L3MBTL4: variants seen among roughly 807,000 people sequenced by gnomAD.
L3MBTL4 encodes L3MBTL histone methyl-lysine binding protein 4.
Under a neutral mutation model 84.5 loss-of-function variants are expected in L3MBTL4, and 70 were observed. The ratio of observed to expected loss-of-function variants is 0.83; its 90% CI spans 0.68 to 1.01. L3MBTL4 has a LOEUF of 1.01. Among genes scored for constraint, L3MBTL4 ranks in the 50% least tolerant of loss-of-function variants. The pLI, the probability that L3MBTL4 is intolerant of heterozygous loss-of-function variation, is 0.00. For synonymous variants in L3MBTL4, 274 were observed against 259.8 expected, an observed-to-expected ratio of 1.05 and a Z score of -0.52; for missense variants, 715 against 754.8, an observed-to-expected ratio of 0.95 and a Z score of 0.62.
At chr18:6,256,286 C>T (rs1207324555) in intron 5 of L3MBTL4, among the ~76,000 whole-genome samples, 1 of 152,084 alleles carries the variant, frequency 6.6e-6, no homozygotes, top group Non-Finnish European at 1.5e-5. Flanking sequence ...AAATATAATT[C>T]AGGCATAGGT....
intron 1 of L3MBTL4, among the ~76,000 whole-genome samples, chr18:6,363,322 G>A (rs999719917): frequency 6.6e-6 from 1 of 152,022 alleles, no homozygotes; most frequent in Non-Finnish European, 1.5e-5. Flanking sequence ...GCCCACACCC[G>A]ACTCCCAGGC....
intron 12 of L3MBTL4, among the ~76,000 whole-genome samples, chr18:6,175,932 A>C (rs1450986638): frequency 1.3e-5 from 2 of 152,160 alleles, no homozygotes; most frequent in Non-Finnish European, 2.9e-5. Flanking sequence ...AATTTAAAAA[A>C]TATTAATTTT....
In L3MBTL4 at chr18:6,126,493, A is replaced by T. The variant is rs142720096; in HGVS notation, c.1199+11701T>A. Among the ~76,000 whole-genome samples, 25 of 152,344 alleles carry T rather than the reference A, an allele frequency of 1.6e-4. 1 individual carries two copies. The highest frequency in any genetic ancestry group is 5.8e-4 in the African/African-American group (24 of 41,596). ...TTCCTCATAAGGATACAGTTCCTAC[A>T]ACCTTGGCAATTTATGTAATTTAGA... On this transcript the variant is annotated intron_variant, in intron 14 of 18. Coordinates refer to ENST00000317931, the MANE Select transcript of L3MBTL4 (RefSeq NM_001330559.2).
chr18:5,965,353 G>A (rs563134880), intron 17 of L3MBTL4, among the ~76,000 whole-genome samples: 1 of 152,326 alleles, frequency 6.6e-6, no homozygotes, highest in African/African-American at 2.4e-5. Flanking sequence ...GGCCAGGAAG[G>A]CAGATAAAGA....
At chr18:6,354,142 A>T (rs917659942) in intron 1 of L3MBTL4, among the ~76,000 whole-genome samples, 2 of 152,178 alleles carry the variant, frequency 1.3e-5, no homozygotes, top group Non-Finnish European at 2.9e-5. Context: ...ACCTACAGTG[A>T]ACTTGTTTTC....
At chr18:6,007,296 CCAAT>C (rs982019312) in intron 16 of L3MBTL4, among the ~76,000 whole-genome samples, 68 of 150,280 alleles carry the variant, frequency 4.5e-4, no homozygotes, top group African/African-American at 1.0e-3. Flanking sequence ...GAAAGATTGC[CCAAT>C]CAAACACAAA....
chr18:6,333,105 T>C (rs550465173), intron 1 of L3MBTL4, among the ~76,000 whole-genome samples: 62 of 148,220 alleles, frequency 4.2e-4, no homozygotes, highest in African/African-American at 1.5e-3. Context: ...TTCTTTTTAA[T>C]TAGTTAAAAT....
chr18:5,967,149 C>T (rs2052392702), intron 17 of L3MBTL4, among the ~76,000 whole-genome samples: 2 of 152,256 alleles, frequency 1.3e-5, no homozygotes, highest in Admixed American at 6.5e-5. Context: ...GGGCTGTGCA[C>T]ACTTTCTGCC....
intron 12 of L3MBTL4, among the ~76,000 whole-genome samples, chr18:6,185,713 G>A (rs1034260838): frequency 2.0e-5 from 3 of 152,254 alleles, no homozygotes; most frequent in East Asian, 3.9e-4. Context: ...TTTAAAAAGT[G>A]GAGCAATAAG....
In L3MBTL4 at chr18:6,071,820, GAAAGAAAGAAAGAA is replaced by G. The variant is rs1438147404; in HGVS notation, c.1444+9047_1444+9060del. On this transcript the variant is annotated intron_variant, in intron 16 of 18. Coordinates refer to ENST00000317931, the MANE Select transcript of L3MBTL4 (RefSeq NM_001330559.2). ...AAGAAAGAAAAAGAAAGAAAGGAAA[GAAAGAAAGAAAGAA>G]AGAGAAAGAGAGAGAGGGAGGGAGG... 7.2e-5 allele frequency among the ~76,000 whole-genome samples: 9 copies of G among 124,486 alleles called. 1 individual carries two copies. The highest frequency in any genetic ancestry group is 3.9e-4 in the African/African-American group (9 of 22,978). The allele number at this position is 124,486 out of a possible 152,430, so 81.7% of individuals were successfully genotyped here.
chr18:6,074,715 T>G (rs772569370), intron 16 of L3MBTL4, among the ~76,000 whole-genome samples: 15 of 152,198 alleles, frequency 9.9e-5, no homozygotes, highest in Non-Finnish European at 1.6e-4. Flanking sequence ...GGTCTACCTA[T>G]ACAAGTAAAG....
intron 10 of L3MBTL4, among the ~76,000 whole-genome samples, chr18:6,235,555 T>C (rs1053698769): frequency 1.1e-4 from 17 of 152,190 alleles, no homozygotes; most frequent in Non-Finnish European, 5.9e-5. Flanking sequence ...GAAAATACGA[T>C]GTCAAGTGAA....
intron 16 of L3MBTL4, among the ~76,000 whole-genome samples, chr18:6,068,094 C>A (rs10163687): frequency 6.6e-6 from 1 of 151,966 alleles, no homozygotes; most frequent in East Asian, 1.9e-4. Flanking sequence ...AGTTTTTGTG[C>A]GCTGGCTTTC....
intron 16 of L3MBTL4, among the ~76,000 whole-genome samples, chr18:6,062,074 A>T (rs1447749270): frequency 6.6e-6 from 1 of 151,912 alleles, no homozygotes; most frequent in Non-Finnish European, 1.5e-5. Flanking sequence ...TCCTTCTCTA[A>T]TGCTCTTCCT....
intron 12 of L3MBTL4, among the ~76,000 whole-genome samples, chr18:6,206,448 C>G (rs2045878887): frequency 6.6e-6 from 1 of 152,162 alleles, no homozygotes; most frequent in African/African-American, 2.4e-5. Flanking sequence ...ATAATCATGT[C>G]AGGATCTCAC....
intron 1 of L3MBTL4, among the ~76,000 whole-genome samples, chr18:6,412,875 AG>A (rs776934304): frequency 1.3e-4 from 20 of 152,080 alleles, no homozygotes; most frequent in Non-Finnish European, 2.8e-4. Flanking sequence ...AAAATATGCA[AG>A]CTTACTTCTC....
rs1280611510 is a variant in L3MBTL4, at chr18:5,969,915, AG to A, written c.1445-354del. On this transcript the variant is annotated intron_variant, in intron 16 of 18. Transcript: ENST00000317931. ...AGTCAGAGGAATCAAGGAACCGTGCAGAATTTGACTAATAAGCAGATTGGCA... is the reference window on the plus strand; with the variant it reads ...AGTCAGAGGAATCAAGGAACCGTGCAAATTTGACTAATAAGCAGATTGGCA... 1.3e-5 allele frequency among the ~76,000 whole-genome samples: 2 copies of A among 152,226 alleles called. 1 individual carries two copies. The highest frequency in any genetic ancestry group is 1.3e-4 in the Admixed American group (2 of 15,286).
rs779539304 is a variant in L3MBTL4 at position 5,969,444 on chromosome 18, T to C, written c.1563A>G (p.Pro521=). Residue 521 remains proline (P), a synonymous_variant, in exon 17 of 19, where the codon CCA becomes CCG. Coordinates refer to ENST00000317931, the MANE Select transcript of L3MBTL4 (RefSeq NM_001330559.2). The part of the protein sequence containing the change: ...LGREQHCKLL[P]GVADIRASQV... The stretch of plus-strand genomic sequence containing the variant: ...GGCTGGCCCGGATGTCAGCCACGCC[T>C]GGAAGCAACTTGCAGTGTTGCTCCC... 1.9e-6 allele frequency: 3 copies of C among 1,613,808 alleles called. No homozygotes were observed. Among genetic ancestry groups the C allele is most frequent in the Admixed American group, 1.7e-5 (1 of 60,002 alleles).
At chr18:6,128,108 A>G (rs1182973576) in intron 14 of L3MBTL4, among the ~76,000 whole-genome samples, 4 of 152,106 alleles carry the variant, frequency 2.6e-5, no homozygotes, top group South Asian at 4.2e-4. Flanking sequence ...GAAAAGCTAC[A>G]CAATCTATCC....
Sources: gnomAD v4.1 joint callset for allele counts (sites outside exome capture counted in the v4.1 genomes callset) on GRCh38, gnomAD v4.1.1 for gene constraint, MANE v1.5 for transcripts, NCBI Gene and HGNC (gene_info 2026-07-23, HGNC 2026-07-21) for gene names.